ATP8B1: variants seen among roughly 807,000 people sequenced by gnomAD.
The protein encoded by ATP8B1 is ATPase phospholipid transporting 8B1.
ATP8B1 carries 80 observed loss-of-function variants against 149.9 expected under a neutral mutation model. That is an observed-to-expected ratio of 0.53 (90% CI 0.45 to 0.64). The LOEUF (loss-of-function observed/expected upper bound fraction) is 0.64, where lower values mean the gene tolerates loss of function less well. Ranked by LOEUF, ATP8B1 falls within the 30% of genes least tolerant of loss-of-function variation. The probability of loss-of-function intolerance (pLI) is 0.00; values close to 1 mark genes in which losing one functional copy is unlikely to be tolerated. For synonymous variants in ATP8B1, 536 were observed against 562.8 expected (o/e 0.95, Z 0.67); for missense variants, 1,247 against 1,552.6 (o/e 0.80, Z 3.31).
intron 1 of ATP8B1, among the ~76,000 whole-genome samples, chr18:57,771,782 G>T (rs1359406496): frequency 6.6e-6 from 1 of 152,016 alleles, no homozygotes; most frequent in African/African-American, 2.4e-5. Context: ...ATGTCAAAGG[G>T]CACACTTAGC....
rs1254026376 is a variant in ATP8B1, at chr18:57,648,265, C to A, written c.*223G>T. The A allele has an allele frequency of 9.4e-6, 6 of 639,710 alleles. No homozygotes were observed. Among genetic ancestry groups the A allele is most frequent in the Non-Finnish European group, 1.4e-5 (5 of 361,998 alleles). The allele number at this position is 639,710 out of a possible 1,614,324, so 39.6% of individuals were successfully genotyped here. On this transcript the variant is annotated 3_prime_UTR_variant, in exon 28 of 28. Transcript: ENST00000648908. ...CCTCCTAAAGTGCTGGGATTACAGA[C>A]CTGAGCCACCACGCCCGGCCGAATA...
At chr18:57,674,391 T>TTTC (rs1476547515) in intron 16 of ATP8B1, among the ~76,000 whole-genome samples, 4 of 137,166 alleles carry the variant, frequency 2.9e-5, no homozygotes, top group Non-Finnish European at 6.4e-5. Flanking sequence ...AGTTTCTTTT[T>TTTC]TTTTTTTTTT....
rs183555872 is a variant in ATP8B1 at position 57,700,318 on chromosome 18, G to A, written c.554+721C>T. ...TGGGGCATAAACATATATTTAAAAA[G>A]TATTTTAAATCTCCAAGTCATTTTT... is the stretch of plus-strand genomic sequence containing the variant. On this transcript the variant is annotated intron_variant, in intron 6 of 27. Coordinates refer to ENST00000648908, the MANE Select transcript of ATP8B1 (RefSeq NM_001374385.1). 5.3e-3 allele frequency among the ~76,000 whole-genome samples: 800 copies of A among 151,922 alleles called. 7 individuals carry two copies. Among genetic ancestry groups the A allele is most frequent in the African/African-American group, 0.018 (735 of 41,412 alleles).
rs1258301879 is a variant in ATP8B1, at chr18:57,731,617, A to G, written c.181+10T>C. The G allele has an allele frequency of 5.6e-6, 9 of 1,613,706 alleles. No homozygotes were observed. The African/African-American group carries it at 9.4e-5, about 17-fold the overall frequency. ...TAAGCGACCTAGTCACCGGGACTTCATGTGGTTACCTTTTCTGAATGGCTC... is the reference window on the plus strand; with the variant it reads ...TAAGCGACCTAGTCACCGGGACTTCGTGTGGTTACCTTTTCTGAATGGCTC... On this transcript the variant is annotated intron_variant, in intron 2 of 27. Transcript: ENST00000648908.
intron 4 of ATP8B1, among the ~76,000 whole-genome samples, chr18:57,704,114 G>A (rs1407984505): frequency 6.6e-6 from 1 of 151,962 alleles, no homozygotes; most frequent in East Asian, 1.9e-4. Flanking sequence ...TTATAGGCAT[G>A]CACCATCACG....
intron 1 of ATP8B1, among the ~76,000 whole-genome samples, chr18:57,766,281 G>A (rs2080211383): frequency 6.6e-6 from 1 of 151,886 alleles, no homozygotes; most frequent in Non-Finnish European, 1.5e-5. Context: ...CTGACCTCAG[G>A]TGATCCACAG....
At chr18:57,775,042 G>A (rs2080294810) in intron 1 of ATP8B1, among the ~76,000 whole-genome samples, 1 of 148,442 alleles carries the variant, frequency 6.7e-6, no homozygotes, top group African/African-American at 2.5e-5. Context: ...GGTCAGGTGT[G>A]GTGGCTCATG....
chr18:57,650,346 A>C (rs951447934), intron 27 of ATP8B1, 21 bp downstream of exon 27: 27 of 1,610,668 alleles, frequency 1.7e-5, no homozygotes, highest in African/African-American at 2.7e-5. Context: ...CAGAGTTGGG[A>C]AAGGACTATA....
chr18:57,756,305 A>ATATACATATATATATATATATATATATG (rs1555653786), intron 1 of ATP8B1, among the ~76,000 whole-genome samples: 7 of 106,098 alleles, frequency 6.6e-5, no homozygotes, highest in African/African-American at 1.3e-4. Context: ...GTGTATGTAT[A>ATATACATATATATATATATATATATATG]TATATATATA....
chr18:57,703,238 C>G (rs139404240), intron 4 of ATP8B1, among the ~76,000 whole-genome samples: 2 of 152,168 alleles, frequency 1.3e-5, no homozygotes, highest in Admixed American at 1.3e-4. Context: ...TCAATCCCAG[C>G]AGGTATAACT....
At chr18:57,703,711 A>G (rs1474250910) in intron 4 of ATP8B1, among the ~76,000 whole-genome samples, 2 of 152,168 alleles carry the variant, frequency 1.3e-5, no homozygotes, top group Admixed American at 6.6e-5. Flanking sequence ...TTACAGCAAC[A>G]GTTCTTGCAC....
At chr18:57,746,491 T>G (rs2079964631) in intron 1 of ATP8B1, among the ~76,000 whole-genome samples, 1 of 128,060 alleles carries the variant, frequency 7.8e-6, no homozygotes, top group Non-Finnish European at 1.6e-5. Context: ...TTTTTTTTTT[T>G]GAGACAGAGT....
At chr18:57,728,585 A>C (rs1164652923) in intron 2 of ATP8B1, among the ~76,000 whole-genome samples, 2 of 152,088 alleles carry the variant, frequency 1.3e-5, no homozygotes, top group African/African-American at 4.8e-5. Flanking sequence ...GGGCGCAGAG[A>C]GGTATTAGAA....
rs1243014533 is a variant in ATP8B1, at chr18:57,674,802, C to G, written c.1819+32G>C. On this transcript the variant is annotated intron_variant, in intron 16 of 27. Transcript: ENST00000648908. ...TGGGCACAAGCAACATCTAAATGAG[C>G]GATTCATAGACAGACTCTGAGGGGG... The G allele has an allele frequency of 3.7e-6, 6 of 1,608,468 alleles. No homozygotes were observed. The African/African-American group carries it at 6.7e-5, about 18-fold the overall frequency.
intron 16 of ATP8B1, among the ~76,000 whole-genome samples, chr18:57,672,992 C>G (rs9954794): frequency 9.2e-6 from 1 of 109,278 alleles, no homozygotes. Context: ...TATATAAATA[C>G]ATGTATATAT....
chr18:57,695,353 T>C, intron 9 of ATP8B1, 24 bp from the exon 10 acceptor site: 1 of 1,590,998 alleles, frequency 6.3e-7, no homozygotes, highest in Non-Finnish European at 8.6e-7. Context: ...AAGATTCACA[T>C]AATTAATCAC....
chr18:57,684,865 G>A (rs1478083427), intron 14 of ATP8B1, among the ~76,000 whole-genome samples: 2 of 152,128 alleles, frequency 1.3e-5, no homozygotes, highest in African/African-American at 2.4e-5. Context: ...ACAGACACAC[G>A]GGGGACACCA....
chr18:57,651,976 A>T (rs181785826), intron 26 of ATP8B1, 58 bp downstream of exon 26: 6 of 1,572,628 alleles, frequency 3.8e-6, no homozygotes. Context: ...AGTTATGTCA[A>T]AATCTAAACT....
intron 1 of ATP8B1, among the ~76,000 whole-genome samples, chr18:57,759,499 G>A (rs924454316): frequency 2.0e-5 from 3 of 152,060 alleles, no homozygotes; most frequent in Middle Eastern, 3.4e-3. Flanking sequence ...GGTAACTCAT[G>A]GCAAGTGGTC....
Sources: allele counts gnomAD v4.1 joint callset (sites outside exome capture counted in the v4.1 genomes callset), GRCh38; gene constraint gnomAD v4.1.1; transcripts MANE v1.5; gene names NCBI Gene and HGNC (gene_info 2026-07-23, HGNC 2026-07-21).